ZDHHC21: variants seen among roughly 807,000 people sequenced by gnomAD.
ZDHHC21 encodes the protein palmitoyltransferase ZDHHC21.
In ZDHHC21, 15 loss-of-function variants were observed where a neutral mutation model predicts 34.6. The ratio of observed to expected loss-of-function variants is 0.43; its 90% CI spans 0.29 to 0.67. The LOEUF is 0.67. Ranked by LOEUF, ZDHHC21 falls within the 30% of genes least tolerant of loss-of-function variation. The probability of loss-of-function intolerance (pLI) is 0.14; values close to 1 mark genes in which losing one functional copy is unlikely to be tolerated. For missense variants in ZDHHC21, 344 were observed against 327.7 expected (o/e 1.05, Z -0.38); for synonymous variants, 142 against 101.8 (o/e 1.40, Z -2.38).
At chr9:14,672,702 A>G (rs561087017) in intron 5 of ZDHHC21, 128 bp downstream of exon 5, 8 of 615,860 alleles carry the variant, frequency 1.3e-5, no homozygotes, top group African/African-American at 1.9e-5. Context: ...GAAAAGACAC[A>G]TACAAGCAAA....
intron 8 of ZDHHC21, chr9:14,622,774 AC>A: frequency 2.0e-6 from 2 of 977,414 alleles, no homozygotes; most frequent in South Asian, 9.5e-5. Flanking sequence ...TTGCCTCTGG[AC>A]CTGTTTAACC....
chr9:14,628,426 ACCTCAAGCTAAAT>A (rs1826697947), intron 8 of ZDHHC21, among the ~76,000 whole-genome samples: 1 of 152,122 alleles, frequency 6.6e-6, no homozygotes, highest in African/African-American at 2.4e-5. Context: ...CTTCCCTGAA[ACCTCAAGCTAAAT>A]CCCAAAGAGA....
intron 6 of ZDHHC21, among the ~76,000 whole-genome samples, chr9:14,660,261 G>A (rs1440952355): frequency 1.3e-5 from 2 of 151,252 alleles, no homozygotes; most frequent in Non-Finnish European, 2.9e-5. Flanking sequence ...AGCTACTCGG[G>A]AGGCTGAGGC....
chr9:14,609,584 A>G (rs1823135974), downstream of ZDHHC21, among the ~76,000 whole-genome samples: 1 of 152,118 alleles, frequency 6.6e-6, no homozygotes, highest in Non-Finnish European at 1.5e-5. Flanking sequence ...TACTTTTCTG[A>G]CAAGATCAGT....
Position 14,612,048 on chromosome 9 carries a change from C to A in ZDHHC21, c.*6918G>T, listed in dbSNP as rs1332747747. The A allele has an allele frequency of 6.6e-6, 1 of 151,960 alleles. No individual in the cohort carries two copies. Among genetic ancestry groups the A allele is most frequent in the Non-Finnish European group, 1.5e-5 (1 of 67,928 alleles). 9.4% of individuals were successfully genotyped at this position (151,960 alleles called of 1,614,324 possible). On this transcript the variant is annotated 3_prime_UTR_variant, in exon 10 of 10. Transcript: ENST00000380916. ...AAATTACTCAGAATCAATACAGTGGCAACACAATCTAGGGAATATTGTTGG... is the reference window on the plus strand; with the variant it reads ...AAATTACTCAGAATCAATACAGTGGAAACACAATCTAGGGAATATTGTTGG...
At chr9:14,693,090 G>C (rs929948109) in intron 1 of ZDHHC21, 139 bp downstream of exon 1, 37 of 202,898 alleles carry the variant, frequency 1.8e-4, no homozygotes, top group Non-Finnish European at 2.9e-4. Flanking sequence ...GGGGCGTGCA[G>C]GAACAGGTGA....
At chr9:14,603,129 G>A in the ZDHHC21 span, among the ~76,000 whole-genome samples, 2 of 151,924 alleles carry the variant, frequency 1.3e-5, no homozygotes, top group African/African-American at 4.8e-5. Flanking sequence ...TAGCTACATG[G>A]ATATACATAT....
In ZDHHC21 at chr9:14,662,248, T is replaced by C; in HGVS notation, c.332A>G (p.His111Arg). ...KRSHHCSRCG[H>R]CVRRMDHHCP... ...GTGATGATCCATTCTCCTCACACAG[T>C]GGCCGCAGCGGCTACAGTGATGGGA... The change falls in exon 6 of 10, where the codon CAC (histidine) becomes CGC (arginine). Residue 111 changes from histidine (H) to arginine (R), a missense_variant. Transcript: ENST00000380916. The C allele has an allele frequency of 6.2e-7, 1 of 1,613,034 alleles. No homozygotes were observed.
chr9:14,590,093 G>A, the ZDHHC21 span: 1 of 152,070 alleles, frequency 6.6e-6, no homozygotes, highest in Non-Finnish European at 1.5e-5. Context: ...AAAGAGAAAT[G>A]AATGATATAA....
chr9:14,604,969 C>T, the ZDHHC21 span, among the ~76,000 whole-genome samples: 36 of 152,216 alleles, frequency 2.4e-4, no homozygotes, highest in Middle Eastern at 6.8e-3. Flanking sequence ...AGTATTTGTC[C>T]TTCTGTGGCT....
At chr9:14,671,267 C>T (rs892973448) in intron 5 of ZDHHC21, among the ~76,000 whole-genome samples, 1 of 152,002 alleles carries the variant, frequency 6.6e-6, no homozygotes. Flanking sequence ...GAAGGAATCA[C>T]CTTCTACATG....
chr9:14,683,610 T>G (rs1564399805), intron 2 of ZDHHC21: 1 of 152,158 alleles, frequency 6.6e-6, no homozygotes, highest in Non-Finnish European at 1.5e-5. Context: ...ACAGCCAAAT[T>G]CTACCAGAGG....
Position 14,665,915 on chromosome 9 carries a change from C to G in ZDHHC21, c.254-3589G>C, listed in dbSNP as rs528088577. 1.6e-4 allele frequency among the ~76,000 whole-genome samples: 24 copies of G among 149,014 alleles called. 1 individual carries two copies. The highest frequency in any genetic ancestry group is 1.3e-3 in the South Asian group (6 of 4,584). ...AATCATGCCAAAATGTAAAGACCAT[C>G]GAGACTAGGAAGAAACTGCATCAAC... On this transcript the variant is annotated intron_variant, in intron 5 of 9. Coordinates refer to ENST00000380916, the MANE Select transcript of ZDHHC21 (RefSeq NM_178566.6).
chr9:14,625,739 T>C (rs986833957), intron 8 of ZDHHC21, among the ~76,000 whole-genome samples: 4 of 151,914 alleles, frequency 2.6e-5, no homozygotes. Context: ...ACAAGTGGTT[T>C]TATAATGAAA....
At chr9:14,645,200 A>G (rs547940615) in intron 7 of ZDHHC21, among the ~76,000 whole-genome samples, 2 of 152,200 alleles carry the variant, frequency 1.3e-5, no homozygotes, top group East Asian at 1.9e-4. Flanking sequence ...CTACTAGATA[A>G]CATTTCTTAT....
chr9:14,600,862 C>T, the ZDHHC21 span, among the ~76,000 whole-genome samples: 2 of 152,208 alleles, frequency 1.3e-5, no homozygotes, highest in South Asian at 2.1e-4. Flanking sequence ...CTACAACCAT[C>T]TGTTCTTTGA....
At chr9:14,619,713 T>C in intron 8 of ZDHHC21, 31 bp from the exon 9 acceptor site, 1 of 1,204,418 alleles carries the variant, frequency 8.3e-7, no homozygotes, top group Non-Finnish European at 1.1e-6. Flanking sequence ...TATTCAGATG[T>C]AAGAAAGTTA....
intron 1 of ZDHHC21, among the ~76,000 whole-genome samples, chr9:14,691,515 T>G (rs1374650866): frequency 6.6e-6 from 1 of 152,234 alleles, no homozygotes; most frequent in African/African-American, 2.4e-5. Flanking sequence ...AAGTACATGT[T>G]ATGATTCATT....
chr9:14,678,209 A>C (rs1392908166), intron 3 of ZDHHC21, among the ~76,000 whole-genome samples: 2 of 152,118 alleles, frequency 1.3e-5, no homozygotes, highest in African/African-American at 4.8e-5. Flanking sequence ...CATTAAAAGG[A>C]AAACTATTAG....
Sources: gnomAD v4.1 joint callset for allele counts (sites outside exome capture counted in the v4.1 genomes callset) on GRCh38, gnomAD v4.1.1 for gene constraint, MANE v1.5 for transcripts, NCBI Gene and HGNC (gene_info 2026-07-23, HGNC 2026-07-21) for gene names.